ARMCX4: variants seen among roughly 807,000 people sequenced by gnomAD.
The protein encoded by ARMCX4 is armadillo repeat-containing X-linked protein 4.
ARMCX4 carries 3 observed loss-of-function variants against 34.7 expected under a neutral mutation model. The ratio of observed to expected loss-of-function variants is 0.09; its 90% CI spans 0.04 to 0.22. ARMCX4 has a LOEUF of 0.22. ARMCX4 is among the 10% of genes least tolerant of loss of function. The pLI, the probability that ARMCX4 is intolerant of heterozygous loss-of-function variation, is 1.00. For synonymous variants in ARMCX4, 513 were observed against 632.8 expected, an observed-to-expected ratio of 0.81 and a Z score of 2.84; for missense variants, 1,448 against 1,720.8, an observed-to-expected ratio of 0.84 and a Z score of 2.81.
chrX:101,492,670 A>G lies in ARMCX4; in HGVS notation c.4081A>G (p.Ser1361Gly), dbSNP rs1556009930. 9 of 1,116,844 alleles carry G rather than the reference A, an allele frequency of 8.1e-6. No individual in the cohort carries two copies. The Admixed American group carries it at 2.5e-4, about 31-fold the overall frequency. 92.0% of individuals were successfully genotyped at this position (1,116,844 alleles called of 1,213,427 possible). A position where few individuals can be genotyped will look rare whatever the true frequency, so the allele number is the denominator to read the frequency against. The change falls in exon 6 of 6, where the codon AGT (serine) becomes GGT (glycine). Residue 1361 changes from serine (S) to glycine (G), a missense_variant. Coordinates refer to ENST00000423738, the MANE Select transcript of ARMCX4 (RefSeq NM_001256155.3). ...TTGGGCTGACACTGCAGACCAAGCC[A>G]GTGGAGGGTCTAGGCTGGGCCACGT... ...RSWADTADQA[S>G]GGSRLGHVDQ... is the part of the protein sequence containing the mutation.
intron 2 of ARMCX4, among the ~76,000 whole-genome samples, chrX:101,435,892 A>G (rs1373841695): frequency 9.0e-6 from 1 of 111,073 alleles, no homozygotes; most frequent in Non-Finnish European, 1.9e-5. Flanking sequence ...ACCATTTATT[A>G]AATAGGGAAT....
chrX:101,479,304 CCA>C (rs34549014), intron 4 of ARMCX4, among the ~76,000 whole-genome samples: 10,702 of 77,835 alleles, frequency 0.14, 846 homozygotes, highest in Non-Finnish European at 0.19. Context: ...ATAAAGAAAA[CCA>C]CACACACACA....
chrX:101,421,045 T>A (rs1285130862), intron 2 of ARMCX4, among the ~76,000 whole-genome samples: 1 of 107,873 alleles, frequency 9.3e-6, no homozygotes, highest in Non-Finnish European at 1.9e-5. Flanking sequence ...CTACTAAAAA[T>A]ACAAAAAGTT....
At chrX:101,433,200 A>T (rs797038176) in intron 2 of ARMCX4, among the ~76,000 whole-genome samples, 1 of 29,918 alleles carries the variant, frequency 3.3e-5, no homozygotes, top group South Asian at 1.0e-3. Context: ...ATACACATAT[A>T]TGTGCATATA....
chrX:101,529,207 A>C (rs1335927541), intron 11 of ARMCX4, among the ~76,000 whole-genome samples: 4 of 111,291 alleles, frequency 3.6e-5, no homozygotes, highest in Non-Finnish European at 5.7e-5. Context: ...GATCTTTGAC[A>C]AACCTGACAA....
downstream of ARMCX4, among the ~76,000 whole-genome samples, chrX:101,446,486 G>A (rs1230715849): frequency 3.6e-5 from 4 of 111,853 alleles, no homozygotes; most frequent in Admixed American, 9.5e-5. Context: ...TTTGAAGGGA[G>A]CAATTTGTTT....
At chrX:101,504,632 C>T (rs948577205) in intron 7 of ARMCX4, among the ~76,000 whole-genome samples, 1 of 111,033 alleles carries the variant, frequency 9.0e-6, no homozygotes, top group Non-Finnish European at 1.9e-5. Context: ...CTGGGTCTGA[C>T]TCTGGCCCCG....
At chrX:101,467,489 CA>C (rs782059848) in intron 4 of ARMCX4, among the ~76,000 whole-genome samples, 8 of 112,115 alleles carry the variant, frequency 7.1e-5, no homozygotes, top group Non-Finnish European at 1.3e-4. Flanking sequence ...AAGAAACCAT[CA>C]AAGCATCTAT....
chrX:101,513,676 T>C (rs1321430169), intron 11 of ARMCX4, among the ~76,000 whole-genome samples: 3 of 111,702 alleles, frequency 2.7e-5, no homozygotes, highest in African/African-American at 9.8e-5. Context: ...CTGGTTTTTA[T>C]AACTATTTTC....
downstream of ARMCX4, among the ~76,000 whole-genome samples, chrX:101,500,316 A>G (rs1406532759): frequency 2.7e-5 from 3 of 111,562 alleles, no homozygotes; most frequent in Non-Finnish European, 5.6e-5. Context: ...TACAAGCCCT[A>G]TAGTAGTTCT....
chrX:101,527,981 T>G (rs184777552), intron 11 of ARMCX4, among the ~76,000 whole-genome samples: 1 of 112,257 alleles, frequency 8.9e-6, no homozygotes, highest in African/African-American at 3.2e-5. Context: ...ACTCATTTTA[T>G]GAGGCCAACC....
At chrX:101,456,465 T>C (rs1435342048) in intron 4 of ARMCX4, among the ~76,000 whole-genome samples, 2 of 112,006 alleles carry the variant, frequency 1.8e-5, no homozygotes, top group Non-Finnish European at 3.8e-5. Flanking sequence ...CATAGGTGTC[T>C]TCTTTTGAGA....
chrX:101,424,825 T>A (rs1434109722), intron 2 of ARMCX4, among the ~76,000 whole-genome samples: 1 of 111,974 alleles, frequency 8.9e-6, no homozygotes, highest in African/African-American at 3.2e-5. Flanking sequence ...GAATACTAAG[T>A]TCAGGTATGA....
chrX:101,527,570 T>A (rs1202062694), intron 11 of ARMCX4, among the ~76,000 whole-genome samples: 6 of 110,540 alleles, frequency 5.4e-5, no homozygotes, highest in African/African-American at 1.6e-4. Context: ...TCAACAAAAT[T>A]GATAGACTGC....
At chrX:101,419,645 A>G (rs1274999959) in intron 2 of ARMCX4, among the ~76,000 whole-genome samples, 2 of 111,693 alleles carry the variant, frequency 1.8e-5, no homozygotes, top group East Asian at 5.7e-4. Flanking sequence ...TTTCTTTTCA[A>G]CTACACCTTG....
chrX:101,481,713 G>A (rs1257122456), upstream of ARMCX4, among the ~76,000 whole-genome samples: 1 of 111,270 alleles, frequency 9.0e-6, no homozygotes, highest in Non-Finnish European at 1.9e-5. Context: ...ATACATTTAA[G>A]CAAATAATTA....
At chrX:101,457,140 ACATT>A (rs782249638) in intron 4 of ARMCX4, among the ~76,000 whole-genome samples, 1 of 111,794 alleles carries the variant, frequency 8.9e-6, no homozygotes, top group Non-Finnish European at 1.9e-5. Context: ...AAAATTTTCC[ACATT>A]CTGGAATTTA....
rs782486306 is a variant in ARMCX4 at position 101,436,108 on chromosome X, G to T, written n.165-7944G>T. On this transcript the variant is annotated intron_variant and non_coding_transcript_variant, in intron 2 of 3. Transcript: ENST00000430461. ...CTCCAGCTTTGTTCTTTTGGCTTAGGATTGACTTGGCAATGCAGGCTCTTT... is the reference window on the plus strand; with the variant it reads ...CTCCAGCTTTGTTCTTTTGGCTTAGTATTGACTTGGCAATGCAGGCTCTTT... 2.7e-5 allele frequency among the ~76,000 whole-genome samples: 3 copies of T among 109,682 alleles called. No homozygotes were observed. The South Asian group carries it at 1.2e-3, about 43-fold the overall frequency.
chrX:101,431,818 T>A (rs377050560), intron 2 of ARMCX4, among the ~76,000 whole-genome samples: 2 of 112,574 alleles, frequency 1.8e-5, no homozygotes, highest in South Asian at 7.2e-4. Context: ...GCTGGGATTA[T>A]AGGCGTGAGC....
Sources: gnomAD v4.1 joint callset for allele counts (sites outside exome capture counted in the v4.1 genomes callset) on GRCh38, gnomAD v4.1.1 for gene constraint, MANE v1.5 for transcripts, NCBI Gene and HGNC (gene_info 2026-07-23, HGNC 2026-07-21) for gene names.